Variants in SNX8 observed in about 807,000 individuals in gnomAD.
SNX8 encodes the protein sorting nexin-8.
SNX8 carries 25 observed loss-of-function variants against 51.6 expected under a neutral mutation model. That is an observed-to-expected ratio of 0.48 (90% CI 0.35 to 0.68). The LOEUF (loss-of-function observed/expected upper bound fraction) is 0.68, where lower values mean the gene tolerates loss of function less well. Among genes scored for constraint, SNX8 ranks in the 30% least tolerant of loss-of-function variants. The pLI, the probability that SNX8 is intolerant of heterozygous loss-of-function variation, is 0.00. For synonymous variants in SNX8, 324 were observed against 277.0 expected (o/e 1.17, Z -1.68); for missense variants, 695 against 624.0 (o/e 1.11, Z -1.21).
At chr7:2,265,017 A>G (rs1401095801) in intron 5 of SNX8, among the ~76,000 whole-genome samples, 1 of 152,184 alleles carries the variant, frequency 6.6e-6, no homozygotes, top group East Asian at 1.9e-4. Flanking sequence ...TTTGGGCGAC[A>G]GAACGAGACT....
intron 1 of SNX8, chr7:2,307,779 G>T (rs1019999607): frequency 6.6e-6 from 1 of 152,058 alleles, no homozygotes; most frequent in Non-Finnish European, 1.5e-5. Flanking sequence ...GACACAGCAG[G>T]TCCTGTGAAA....
intron 1 of SNX8, among the ~76,000 whole-genome samples, chr7:2,333,046 A>T (rs1307720905): frequency 6.6e-6 from 1 of 151,816 alleles, no homozygotes; most frequent in Non-Finnish European, 1.5e-5. Flanking sequence ...AGGTGGGAGG[A>T]TTGCTTGAGC....
At chr7:2,336,125 G>C (rs553764341) in intron 1 of SNX8, among the ~76,000 whole-genome samples, 7 of 151,358 alleles carry the variant, frequency 4.6e-5, no homozygotes, top group African/African-American at 1.7e-4. Context: ...AAAAGGGCTG[G>C]GCACGGTGGC....
chr7:2,311,922 G>A (rs1358960551), intron 1 of SNX8, among the ~76,000 whole-genome samples: 1 of 151,472 alleles, frequency 6.6e-6, no homozygotes, highest in Non-Finnish European at 1.5e-5. Context: ...GGGCGACAGA[G>A]CGAGACTCCG....
At chr7:2,347,251 G>A (rs560142911) in intron 1 of SNX8, among the ~76,000 whole-genome samples, 1 of 152,174 alleles carries the variant, frequency 6.6e-6, no homozygotes, top group South Asian at 2.1e-4. Flanking sequence ...GGAGGCCGAG[G>A]CTGACGGATC....
At chr7:2,329,430 G>A (rs911134554) in intron 1 of SNX8, among the ~76,000 whole-genome samples, 2 of 152,212 alleles carry the variant, frequency 1.3e-5, no homozygotes, top group Non-Finnish European at 2.9e-5. Flanking sequence ...CAGTTGTGGT[G>A]TTATGAACTA....
At chr7:2,311,409 G>A (rs1796655239) in intron 1 of SNX8, among the ~76,000 whole-genome samples, 1 of 152,076 alleles carries the variant, frequency 6.6e-6, no homozygotes, top group African/African-American at 2.4e-5. Flanking sequence ...AAAAATTTGA[G>A]ACAGGATTTC....
At chr7:2,335,171 G>A (rs976632666) in intron 1 of SNX8, among the ~76,000 whole-genome samples, 1 of 151,742 alleles carries the variant, frequency 6.6e-6, no homozygotes, top group African/African-American at 2.4e-5. Flanking sequence ...ACTCCAGCCT[G>A]GGCAACAGAG....
intron 1 of SNX8, chr7:2,310,047 A>G: frequency 2.7e-6 from 1 of 365,720 alleles, no homozygotes; most frequent in Non-Finnish European, 5.5e-6. Context: ...GTGAAGCGTG[A>G]CTCACCCTCG....
chr7:2,309,505 G>A (rs1026196314), intron 1 of SNX8, among the ~76,000 whole-genome samples: 1 of 152,052 alleles, frequency 6.6e-6, no homozygotes, highest in African/African-American at 2.4e-5. Context: ...GCCAAGGTGG[G>A]CAGATCACCT....
chr7:2,334,149 C>A, intron 1 of SNX8, among the ~76,000 whole-genome samples: 1 of 152,122 alleles, frequency 6.6e-6, no homozygotes, highest in Admixed American at 6.6e-5. Context: ...GGCACGGTGG[C>A]TCATGCCTGT....
chr7:2,322,014 C>T (rs909257117), intron 1 of SNX8, among the ~76,000 whole-genome samples: 3 of 152,174 alleles, frequency 2.0e-5, no homozygotes, highest in Admixed American at 6.6e-5. Context: ...TGAGCCACTG[C>T]GCCCGGCCTC....
chr7:2,312,875 A>G lies in SNX8; in HGVS notation c.94+1453T>C, dbSNP rs779473254. On this transcript the variant is annotated intron_variant, in intron 1 of 10. Coordinates refer to ENST00000222990, the MANE Select transcript of SNX8 (RefSeq NM_013321.4). ...AGGGGCACCCTCCTGTATTCCTTCT[A>G]ATGTTTAGCCTCGTTTGTTTTGTTT... Among the ~76,000 whole-genome samples, 4 of 151,844 alleles carry G rather than the reference A, an allele frequency of 2.6e-5. No homozygotes were observed. The East Asian group carries it at 5.8e-4, about 22-fold the overall frequency.
chr7:2,345,142 T>C (rs1425713901), intron 1 of SNX8, among the ~76,000 whole-genome samples: 3 of 152,118 alleles, frequency 2.0e-5, no homozygotes, highest in Non-Finnish European at 2.9e-5. Flanking sequence ...GAGACAAGCA[T>C]AAGAGTCTTC....
At chr7:2,335,789 C>T (rs1453037811) in intron 1 of SNX8, among the ~76,000 whole-genome samples, 6 of 108,522 alleles carry the variant, frequency 5.5e-5, no homozygotes, top group South Asian at 2.9e-4. Flanking sequence ...GGCGACAGAG[C>T]GAGACTCTGT....
At chr7:2,284,495 G>A (rs749822895) in intron 1 of SNX8, among the ~76,000 whole-genome samples, 59 of 133,536 alleles carry the variant, frequency 4.4e-4, no homozygotes, top group Admixed American at 1.7e-3. Context: ...TCCGCCTCCC[G>A]GGTTTAAGCG....
At chr7:2,257,231 C>T in intron 9 of SNX8, 134 bp downstream of exon 9, 1 of 1,201,854 alleles carries the variant, frequency 8.3e-7, no homozygotes, top group Non-Finnish European at 1.1e-6. Flanking sequence ...CAGCTCCCTG[C>T]CTCCACTGCA....
intron 1 of SNX8, among the ~76,000 whole-genome samples, chr7:2,339,807 A>T (rs1583123916): frequency 6.6e-6 from 1 of 152,242 alleles, no homozygotes; most frequent in South Asian, 2.1e-4. Context: ...AGAACAGATA[A>T]ATAAGAACAC....
At chr7:2,275,588 G>C (rs191531728) in intron 2 of SNX8, among the ~76,000 whole-genome samples, 1 of 152,198 alleles carries the variant, frequency 6.6e-6, no homozygotes, top group Non-Finnish European at 1.5e-5. Context: ...TGTAGTCCCA[G>C]CTACTTTGGA....
Sources: allele counts gnomAD v4.1 joint callset (sites outside exome capture counted in the v4.1 genomes callset), GRCh38; gene constraint gnomAD v4.1.1; transcripts MANE v1.5; gene names NCBI Gene and HGNC (gene_info 2026-07-23, HGNC 2026-07-21).